The following KCNG3 variants were observed in gnomAD, a reference collection of about 807,000 sequenced individuals.
The protein encoded by KCNG3 is potassium voltage-gated channel modifier subfamily G member 3.
Under a neutral mutation model 29.0 loss-of-function variants are expected in KCNG3, and 15 were observed. The ratio of observed to expected loss-of-function variants is 0.52; its 90% CI spans 0.35 to 0.80. The LOEUF (loss-of-function observed/expected upper bound fraction) is 0.80. Among genes scored for constraint, KCNG3 ranks in the 30% least tolerant of loss-of-function variants. The pLI is 0.01. For missense variants in KCNG3, 512 were observed against 605.7 expected (o/e 0.85, Z 1.62); for synonymous variants, 322 against 248.9 (o/e 1.29, Z -2.76).
rs1416402921 is a variant in KCNG3, at chr2:42,493,057, G to A, written c.445C>T (p.Pro149Ser). The A allele has an allele frequency of 6.5e-7, 1 of 1,527,694 alleles. No individual in the cohort carries two copies. Among genetic ancestry groups the A allele is most frequent in the Admixed American group, 2.1e-5 (1 of 48,094 alleles). 94.6% of individuals were successfully genotyped at this position (1,527,694 alleles called of 1,614,324 possible). The change falls in exon 1 of 2, where the codon CCC (proline) becomes TCC (serine). Residue 149 changes from proline to serine, a missense_variant. Physicochemically the swap from Pro to Ser is moderately conservative, Grantham distance 74 (BLOSUM62 -1). Coordinates refer to ENST00000306078, the MANE Select transcript of KCNG3 (RefSeq NM_133329.6). Reference sequence around the variant, plus strand: ...ATGCGCTCCAGCCAGCGCCTGGAGGGAGCCGCCTCGGCCCCGCCGGGGCGC... The same window carrying A: ...ATGCGCTCCAGCCAGCGCCTGGAGGAAGCCGCCTCGGCCCCGCCGGGGCGC... ...EARPGGAEAA[P>S]SRRWLERMRR...
the KCNG3 span, among the ~76,000 whole-genome samples, chr2:42,399,480 G>GT: frequency 6.6e-6 from 1 of 152,184 alleles, no homozygotes; most frequent in African/African-American, 2.4e-5. Context: ...CTACTGACAT[G>GT]TTATATAGCA....
At chr2:42,388,405 C>T in the KCNG3 span, 1 of 152,168 alleles carries the variant, frequency 6.6e-6, no homozygotes, top group East Asian at 1.9e-4. Flanking sequence ...ATATTCACTA[C>T]AGAAAATAAC....
chr2:42,439,852 AG>A (rs1345737026), downstream of KCNG3, among the ~76,000 whole-genome samples: 25 of 151,790 alleles, frequency 1.6e-4, no homozygotes, highest in African/African-American at 5.8e-4. Flanking sequence ...CATGTTGGCC[AG>A]GCTGGTCTCG....
chr2:42,472,517 T>TC (rs1553330002), intron 1 of KCNG3, among the ~76,000 whole-genome samples: 2 of 151,864 alleles, frequency 1.3e-5, no homozygotes, highest in African/African-American at 4.8e-5. Flanking sequence ...TTTTTTTTTT[T>TC]GAGACAAGGA....
At chr2:42,469,379 T>C (rs367646417) in intron 1 of KCNG3, among the ~76,000 whole-genome samples, 1 of 149,828 alleles carries the variant, frequency 6.7e-6, no homozygotes, top group African/African-American at 2.5e-5. Flanking sequence ...ATCAGGCCAT[T>C]GCACACGAGC....
At chr2:42,435,374 GA>G in the KCNG3 span, among the ~76,000 whole-genome samples, 3 of 152,078 alleles carry the variant, frequency 2.0e-5, no homozygotes, top group Non-Finnish European at 2.9e-5. Context: ...CACTTTATTA[GA>G]TATGACACCA....
At chr2:42,435,719 C>T in the KCNG3 span, among the ~76,000 whole-genome samples, 2 of 152,196 alleles carry the variant, frequency 1.3e-5, no homozygotes, top group African/African-American at 4.8e-5. Flanking sequence ...ACTGTGACGG[C>T]TATTATTTTT....
chr2:42,437,708 T>C (rs1672398471), downstream of KCNG3, among the ~76,000 whole-genome samples: 1 of 151,926 alleles, frequency 6.6e-6, no homozygotes, highest in African/African-American at 2.4e-5. Context: ...GAGGCTGAGG[T>C]GGGCAGACCA....
At chr2:42,459,169 C>A (rs1342214227) in intron 1 of KCNG3, among the ~76,000 whole-genome samples, 1 of 147,392 alleles carries the variant, frequency 6.8e-6, no homozygotes. Context: ...GCACTCCAGA[C>A]TGGGCAACAA....
chr2:42,478,287 G>A (rs1169570131), intron 1 of KCNG3, among the ~76,000 whole-genome samples: 1 of 152,100 alleles, frequency 6.6e-6, no homozygotes, highest in Non-Finnish European at 1.5e-5. Flanking sequence ...CCAGGTTGGA[G>A]TGCAATGGCA....
At chr2:42,482,397 G>C (rs1014370842) in intron 1 of KCNG3, among the ~76,000 whole-genome samples, 7 of 152,036 alleles carry the variant, frequency 4.6e-5, no homozygotes, top group Non-Finnish European at 5.9e-5. Flanking sequence ...TGGAAACACA[G>C]AGAGACTCTG....
intron 1 of KCNG3, among the ~76,000 whole-genome samples, chr2:42,482,108 G>C (rs570166521): frequency 6.6e-6 from 1 of 152,250 alleles, no homozygotes; most frequent in South Asian, 2.1e-4. Flanking sequence ...ACAGTGTTAT[G>C]TATTTATTTA....
the KCNG3 span, among the ~76,000 whole-genome samples, chr2:42,432,164 C>T: frequency 6.6e-6 from 1 of 152,264 alleles, no homozygotes; most frequent in Non-Finnish European, 1.5e-5. Context: ...TCTCTGTATA[C>T]CCCACAGTGC....
At chr2:42,470,698 G>C (rs556329602) in intron 1 of KCNG3, among the ~76,000 whole-genome samples, 1 of 151,886 alleles carries the variant, frequency 6.6e-6, no homozygotes, top group East Asian at 1.9e-4. Context: ...AACACAGTGG[G>C]AACCTGTCTC....
At chr2:42,448,758 A>C (rs1343336945) in intron 1 of KCNG3, among the ~76,000 whole-genome samples, 1 of 152,088 alleles carries the variant, frequency 6.6e-6, no homozygotes, top group Non-Finnish European at 1.5e-5. Flanking sequence ...GGGAGGCCGA[A>C]GCGGGCGGAT....
At chr2:42,389,210 G>A in the KCNG3 span, among the ~76,000 whole-genome samples, 1 of 152,156 alleles carries the variant, frequency 6.6e-6, no homozygotes, top group Non-Finnish European at 1.5e-5. Flanking sequence ...GAGCCACCTT[G>A]CCGGCCCCAT....
intron 1 of KCNG3, among the ~76,000 whole-genome samples, chr2:42,484,752 T>C (rs188152619): frequency 2.4e-4 from 36 of 152,186 alleles, no homozygotes; most frequent in African/African-American, 7.7e-4. Context: ...TACCAAAAGG[T>C]AGGGAAAAAA....
chr2:42,483,560 A>C (rs1673644160), intron 1 of KCNG3, among the ~76,000 whole-genome samples: 1 of 152,226 alleles, frequency 6.6e-6, no homozygotes, highest in African/African-American at 2.4e-5. Flanking sequence ...TGGATAAAGT[A>C]CCTAAATCTC....
Position 42,493,547 on chromosome 2 carries a change from C to G in KCNG3, c.-46G>C. On this transcript the variant is annotated 5_prime_UTR_variant, in exon 1 of 2. Coordinates refer to ENST00000306078, the MANE Select transcript of KCNG3 (RefSeq NM_133329.6). The stretch of plus-strand genomic sequence containing the variant: ...TTCGGCCCGAGGGCCCCGCTGCAGC[C>G]CCCCACCCCAAGCCGCCACGCGGGG... 2 of 1,306,466 alleles carry G rather than the reference C, an allele frequency of 1.5e-6. No homozygotes were observed. The highest frequency in any genetic ancestry group is 1.9e-6 in the Non-Finnish European group (2 of 1,034,222). The allele number at this position is 1,306,466 out of a possible 1,614,324, so 80.9% of individuals were successfully genotyped here. A position where few individuals can be genotyped will look rare whatever the true frequency, so the allele number is the denominator to read the frequency against.
Sources: gnomAD v4.1 joint callset for allele counts (sites outside exome capture counted in the v4.1 genomes callset) on GRCh38, gnomAD v4.1.1 for gene constraint, MANE v1.5 for transcripts, NCBI Gene and HGNC (gene_info 2026-07-23, HGNC 2026-07-21) for gene names.